The following RAP1GAP2 variants were observed in gnomAD, a reference collection of about 807,000 sequenced individuals.
The protein encoded by RAP1GAP2 is RAP1 GTPase activating protein 2, also known as rap1 GTPase-activating protein 2.
Under a neutral mutation model 95.0 loss-of-function variants are expected in RAP1GAP2, and 27 were observed. That is an observed-to-expected ratio of 0.28 (90% CI 0.21 to 0.39). The LOEUF (loss-of-function observed/expected upper bound fraction) is 0.39. RAP1GAP2 is among the 10% of genes least tolerant of loss of function. The pLI is 1.00. For missense variants in RAP1GAP2, 771 were observed against 970.0 expected (o/e 0.79, Z 2.72); for synonymous variants, 373 against 380.9 (o/e 0.98, Z 0.24).
chr17:2,784,744 T>C (rs2068735775), intron 1 of RAP1GAP2, among the ~76,000 whole-genome samples: 1 of 152,104 alleles, frequency 6.6e-6, no homozygotes, highest in Non-Finnish European at 1.5e-5. Flanking sequence ...GGAACTTGAA[T>C]GGGAAAGGCC....
chr17:2,905,935 C>T (rs898241430), intron 3 of RAP1GAP2, among the ~76,000 whole-genome samples: 15 of 152,216 alleles, frequency 9.9e-5, no homozygotes, highest in Admixed American at 8.5e-4. Context: ...GGACGGGAGC[C>T]GAGGGAGCAG....
chr17:2,853,003 G>A (rs2071937040), intron 2 of RAP1GAP2, among the ~76,000 whole-genome samples: 1 of 152,118 alleles, frequency 6.6e-6, no homozygotes, highest in South Asian at 2.1e-4. Context: ...CGCGGGGAGG[G>A]CGGAGTGGGG....
chr17:2,959,447 C>G (rs1207685127), intron 4 of RAP1GAP2, among the ~76,000 whole-genome samples: 1 of 152,064 alleles, frequency 6.6e-6, no homozygotes, highest in Non-Finnish European at 1.5e-5. Context: ...TGTTTAAGTC[C>G]CTACCATGTG....
intron 8 of RAP1GAP2, among the ~76,000 whole-genome samples, chr17:2,971,470 C>G (rs765630924): frequency 6.6e-6 from 1 of 152,096 alleles, no homozygotes; most frequent in African/African-American, 2.4e-5. Context: ...TGTGTTGGCT[C>G]ATGCCTGTAA....
chr17:2,812,524 C>T (rs2069813139), intron 2 of RAP1GAP2, among the ~76,000 whole-genome samples: 2 of 152,302 alleles, frequency 1.3e-5, no homozygotes, highest in South Asian at 2.1e-4. Context: ...ATAGTGCTGA[C>T]TCTGATGGGC....
In RAP1GAP2 at chr17:2,796,447, G is replaced by A; in HGVS notation, c.-81G>A. 4.7e-6 allele frequency: 7 copies of A among 1,492,834 alleles called. No homozygotes were observed. Among genetic ancestry groups the A allele is most frequent in the Non-Finnish European group, 6.4e-6 (7 of 1,095,570 alleles). The allele number at this position is 1,492,834 out of a possible 1,614,324, so 92.5% of individuals were successfully genotyped here. A position where few individuals can be genotyped will look rare whatever the true frequency, so the allele number is the denominator to read the frequency against. ...CCCGCCCTGCACCGGCACTGACCCC[G>A]CTGTACCACGGCCCTCTTGCGGACA... is the stretch of plus-strand genomic sequence containing the variant. On this transcript the variant is annotated 5_prime_UTR_variant, in exon 1 of 25. Coordinates refer to ENST00000254695, the MANE Select transcript of RAP1GAP2 (RefSeq NM_015085.5). This position sits in a 1 kb window ranked among gnomAD's most constrained non-coding sequence, Gnocchi z 4.7.
chr17:2,808,810 G>C (rs914089714), intron 2 of RAP1GAP2, among the ~76,000 whole-genome samples: 1 of 152,190 alleles, frequency 6.6e-6, no homozygotes, highest in African/African-American at 2.4e-5. Context: ...GGGGCATGTG[G>C]GTGTGTGCAG....
Position 2,835,679 on chromosome 17 carries a change from C to T in RAP1GAP2, c.80+35129C>T, listed in dbSNP as rs147879962. ...GTTTGAGGCTGCAGTGAGCTATGATCGCACCACTGCATTCCAGCCTGGGTG... is the reference window on the plus strand; with the variant it reads ...GTTTGAGGCTGCAGTGAGCTATGATTGCACCACTGCATTCCAGCCTGGGTG... On this transcript the variant is annotated intron_variant, in intron 2 of 24. Transcript: ENST00000254695. Among the ~76,000 whole-genome samples, 474 of 152,286 alleles carry T rather than the reference C, an allele frequency of 3.1e-3. 2 individuals are homozygous for T. Among genetic ancestry groups the T allele is most frequent in the African/African-American group, 0.01 (416 of 41,568 alleles).
At chr17:2,920,201 A>G (rs2042712661) in intron 3 of RAP1GAP2, among the ~76,000 whole-genome samples, 1 of 152,090 alleles carries the variant, frequency 6.6e-6, no homozygotes, top group South Asian at 2.1e-4. Flanking sequence ...TAATTCGTAG[A>G]AGCAGGGTCT....
At chr17:2,822,640 T>G (rs1351281953) in intron 2 of RAP1GAP2, among the ~76,000 whole-genome samples, 3 of 151,586 alleles carry the variant, frequency 2.0e-5, no homozygotes, top group East Asian at 1.9e-4. Flanking sequence ...TTTTTTTTTT[T>G]TTTTTTTTTT....
At chr17:2,828,079 G>T (rs1229124393) in intron 2 of RAP1GAP2, among the ~76,000 whole-genome samples, 5 of 152,148 alleles carry the variant, frequency 3.3e-5, no homozygotes, top group Admixed American at 3.3e-4. Flanking sequence ...GGTGGCTCAC[G>T]CCTGTCATCC....
chr17:3,007,276 G>T (rs1304414591), intron 16 of RAP1GAP2, among the ~76,000 whole-genome samples: 2 of 151,524 alleles, frequency 1.3e-5, no homozygotes, highest in African/African-American at 4.9e-5. Context: ...AGAGTGAGGG[G>T]CTCGATGTGT....
At chr17:2,978,078 A>G (rs1193744056) in intron 8 of RAP1GAP2, among the ~76,000 whole-genome samples, 3 of 152,204 alleles carry the variant, frequency 2.0e-5, no homozygotes, top group African/African-American at 4.8e-5. Context: ...CACTGTGGGC[A>G]TAACTTTTGC....
rs1266778517 is a variant in RAP1GAP2 at position 2,871,065 on chromosome 17, C to T, written c.81-34219C>T. Among the ~76,000 whole-genome samples, 2 of 152,226 alleles carry T rather than the reference C, an allele frequency of 1.3e-5. No homozygotes were observed. The highest frequency in any genetic ancestry group is 2.9e-5 in the Non-Finnish European group (2 of 68,044). On this transcript the variant is annotated intron_variant, in intron 2 of 24. Transcript: ENST00000254695. The surrounding 1 kb of genome is among the most constrained non-coding windows in gnomAD (Gnocchi z 5.0). ...CCGCCTCCTGGGTTCAAGTGATTCT[C>T]CTGCCTCTGCTTCCCAAGTAGCTGG...
chr17:2,959,344 GT>G (rs1251501620), intron 4 of RAP1GAP2, among the ~76,000 whole-genome samples: 2 of 152,132 alleles, frequency 1.3e-5, no homozygotes, highest in Admixed American at 1.3e-4. Flanking sequence ...TAGGGGTCTT[GT>G]TTTATTCTCC....
At chr17:2,926,056 C>T (rs765548277) in intron 3 of RAP1GAP2, among the ~76,000 whole-genome samples, 1 of 149,770 alleles carries the variant, frequency 6.7e-6, no homozygotes, top group Non-Finnish European at 1.5e-5. Context: ...AGGAGAATAG[C>T]TTGAACCCAG....
At chr17:2,763,878 G>A (rs1656088380) in intron 1 of RAP1GAP2, among the ~76,000 whole-genome samples, 1 of 151,950 alleles carries the variant, frequency 6.6e-6, no homozygotes, top group Non-Finnish European at 1.5e-5. Flanking sequence ...GTGGGAGATG[G>A]CTCCTGAGTG....
chr17:2,786,157 T>C (rs556726457), intron 1 of RAP1GAP2, among the ~76,000 whole-genome samples: 1 of 152,292 alleles, frequency 6.6e-6, no homozygotes, highest in East Asian at 1.9e-4. Flanking sequence ...CGCCTCGGCC[T>C]CCCACAGTGC....
At chr17:3,012,393 G>A (rs2046578628) in intron 17 of RAP1GAP2, among the ~76,000 whole-genome samples, 1 of 151,908 alleles carries the variant, frequency 6.6e-6, no homozygotes, top group South Asian at 2.1e-4. Flanking sequence ...CGAGGCAGGT[G>A]GATCACCTGA....
Sources: allele counts gnomAD v4.1 joint callset (sites outside exome capture counted in the v4.1 genomes callset), GRCh38; gene constraint gnomAD v4.1.1; non-coding constraint Gnocchi (gnomAD v3.1); transcripts MANE v1.5; gene names NCBI Gene and HGNC (gene_info 2026-07-23, HGNC 2026-07-21).